Variants in MAST3 observed in about 807,000 individuals in gnomAD.
MAST3 encodes microtubule-associated serine/threonine-protein kinase 3.
Under a neutral mutation model 127.0 loss-of-function variants are expected in MAST3, and 43 were observed. That is an observed-to-expected ratio of 0.34 (90% confidence interval 0.27 to 0.44). The LOEUF (loss-of-function observed/expected upper bound fraction) is 0.44, where lower values mean the gene tolerates loss of function less well. Ranked by LOEUF, MAST3 falls within the 20% of genes least tolerant of loss-of-function variation. MAST3 has a pLI of 1.00. For synonymous variants in MAST3, 785 were observed against 809.2 expected, an observed-to-expected ratio of 0.97 and a Z score of 0.51; for missense variants, 1,390 against 1,919.1, an observed-to-expected ratio of 0.72 and a Z score of 5.15.
Position 18,107,592 on chromosome 19 carries a change from G to A in MAST3, c.45G>A (p.Glu15=), listed in dbSNP as rs779571449. 8.1e-6 allele frequency: 13 copies of A among 1,613,406 alleles called. No homozygotes were observed. Among genetic ancestry groups the A allele is most frequent in the Non-Finnish European group, 1.1e-5 (13 of 1,179,644 alleles). The change falls in exon 2 of 28, where the codon GAG becomes GAA. Residue 15 remains glutamate, a synonymous_variant. Coordinates refer to ENST00000687212, the MANE Select transcript of MAST3 (RefSeq NM_001393504.1). ...CCATTTCTGTCTCATTGCAGAAGGAGCTGAGCCTGCCACGCCGAGGACGTG... is the reference window on the plus strand; with the variant it reads ...CCATTTCTGTCTCATTGCAGAAGGAACTGAGCCTGCCACGCCGAGGACGTG... ...SLLRRRGLQK[E]LSLPRRGRGL...
In MAST3 at chr19:18,125,212, A is replaced by T. The variant is rs368878839; in HGVS notation, c.1078+438A>T. On this transcript the variant is annotated intron_variant, in intron 11 of 27. Coordinates refer to ENST00000687212, the MANE Select transcript of MAST3 (RefSeq NM_001393504.1). The stretch of plus-strand genomic sequence containing the variant: ...TTTGTCTCTCTGTGGCCTTGCTCTT[A>T]GGTCACCTGTGGGAATTATGCTGAG... 8.5e-5 allele frequency among the ~76,000 whole-genome samples: 13 copies of T among 152,168 alleles called. No individual in the cohort carries two copies. The East Asian group carries it at 2.1e-3, about 25-fold the overall frequency.
At chr19:18,134,541 G>T (rs745336788) in intron 15 of MAST3, 38 bp from the exon 16 acceptor site, 1 of 1,574,406 alleles carries the variant, frequency 6.4e-7, no homozygotes, top group South Asian at 1.2e-5. Flanking sequence ...AGGCACCCCA[G>T]CCCCCCAGCT....
Position 18,110,794 on chromosome 19 carries a change from G to A in MAST3, c.161+53G>A, listed in dbSNP as rs2038518696. ...GCAGACATCGCCCTGGCACCCCAGA[G>A]CCTTGGAAACCCTCCAGACTCATCG... On this transcript the variant is annotated intron_variant, in intron 3 of 27. Transcript: ENST00000687212. This position sits in a 1 kb window ranked among gnomAD's most constrained non-coding sequence, Gnocchi z 4.3. 1.1e-6 allele frequency: 1 copy of A among 901,292 alleles called. No homozygotes were observed. 55.8% of individuals were successfully genotyped at this position (901,292 alleles called of 1,614,324 possible).
At chr19:18,138,208 GA>G (rs72398038) in intron 19 of MAST3, among the ~76,000 whole-genome samples, 14,964 of 140,592 alleles carry the variant, frequency 0.11, 775 homozygotes, top group Non-Finnish European at 0.14. Context: ...AAAACTGCCT[GA>G]AAAAAAAAAA....
At chr19:18,141,584 G>T in intron 20 of MAST3, among the ~76,000 whole-genome samples, 1 of 151,890 alleles carries the variant, frequency 6.6e-6, no homozygotes, top group Non-Finnish European at 1.5e-5. Flanking sequence ...TGTTGACCAG[G>T]CTGGTCTTGA....
intron 1 of MAST3, chr19:18,098,856 T>C (rs981691312): frequency 2.2e-6 from 1 of 454,676 alleles, no homozygotes; most frequent in African/African-American, 2.0e-5. Context: ...CCCAACCTGT[T>C]GGGGGAGGTA....
At chr19:18,143,048 G>T (rs1414985698) in intron 21 of MAST3, among the ~76,000 whole-genome samples, 2 of 149,810 alleles carry the variant, frequency 1.3e-5, no homozygotes, top group Non-Finnish European at 3.0e-5. Flanking sequence ...GGAGGCGGAG[G>T]TTACAGTGAG....
chr19:18,128,595 G>A (rs1190789792), intron 12 of MAST3, 137 bp downstream of exon 12: 22 of 946,720 alleles, frequency 2.3e-5, no homozygotes, highest in South Asian at 1.1e-4. Context: ...GCAAGGTGAC[G>A]GCACGTGGGA....
At chr19:18,106,096 A>AT (rs1568546428) in intron 1 of MAST3, among the ~76,000 whole-genome samples, 1 of 151,728 alleles carries the variant, frequency 6.6e-6, no homozygotes, top group Non-Finnish European at 1.5e-5. Context: ...ATTATTATTA[A>AT]TTTTTTTTAG....
At chr19:18,104,467 T>C (rs551737901) in intron 1 of MAST3, among the ~76,000 whole-genome samples, 47 of 152,078 alleles carry the variant, frequency 3.1e-4, no homozygotes, top group Non-Finnish European at 6.2e-4. Context: ...CTTCCCCGCC[T>C]CTCCCGGGAG....
intron 25 of MAST3, among the ~76,000 whole-genome samples, chr19:18,146,372 G>A (rs772646277): frequency 1.1e-4 from 16 of 152,204 alleles, no homozygotes; most frequent in Non-Finnish European, 2.2e-4. Flanking sequence ...TTGGGCCGAG[G>A]AGGTTGAGGC....
chr19:18,132,134 C>A, intron 15 of MAST3, 87 bp downstream of exon 15: 1 of 1,547,462 alleles, frequency 6.5e-7, no homozygotes, highest in South Asian at 1.2e-5. Flanking sequence ...AGGGCAGAGC[C>A]TCTGAGGTGC....
intron 15 of MAST3, among the ~76,000 whole-genome samples, chr19:18,132,941 A>G (rs539235714): frequency 7.4e-4 from 112 of 152,332 alleles, no homozygotes; most frequent in Admixed American, 2.2e-3. Context: ...TGTCTCTACT[A>G]AAAATACAAA....
chr19:18,149,645 G>A lies in MAST3; in HGVS notation c.3963G>A (p.Gly1321=), dbSNP rs770467189. 1.2e-6 allele frequency: 2 copies of A among 1,613,278 alleles called. No individual in the cohort carries two copies. Among genetic ancestry groups the A allele is most frequent in the Non-Finnish European group, 1.7e-6 (2 of 1,179,896 alleles). Residue 1321 remains glycine, a synonymous_variant, in exon 28 of 28, where the codon GGG becomes GGA. Transcript: ENST00000687212. The surrounding 1 kb of genome is among the most constrained non-coding windows in gnomAD (Gnocchi z 5.9). The stretch of plus-strand genomic sequence containing the variant: ...ATGAGCCGCAGGAGGAGGCCACTGG[G>A]CTGCCCACCTCAGTGCCACAGATCG... ...SFDEPQEEAT[G]LPTSVPQIAV...
At position 18,144,881 on chromosome 19, in the gene MAST3, T is replaced by G; in HGVS notation, c.2813-122T>G. On this transcript the variant is annotated intron_variant, in intron 23 of 27. Transcript: ENST00000687212. The surrounding 1 kb of genome is among the most constrained non-coding windows in gnomAD (Gnocchi z 4.0). ...CTGCACGTGCAAAGGCCTGGTGGGGTGACCATGCTTGGGACATTGAAGCAA... is the reference window on the plus strand; with the variant it reads ...CTGCACGTGCAAAGGCCTGGTGGGGGGACCATGCTTGGGACATTGAAGCAA... 1 of 847,428 alleles carries G rather than the reference T, an allele frequency of 1.2e-6. No homozygotes were observed. 52.5% of individuals were successfully genotyped at this position (847,428 alleles called of 1,614,324 possible). A position where few individuals can be genotyped will look rare whatever the true frequency, so the allele number is the denominator to read the frequency against.
chr19:18,140,391 T>C (rs1304573904), intron 20 of MAST3, among the ~76,000 whole-genome samples: 2 of 151,952 alleles, frequency 1.3e-5, no homozygotes, highest in Non-Finnish European at 2.9e-5. Flanking sequence ...AAAATAATGA[T>C]AATAATAAAG....
intron 21 of MAST3, among the ~76,000 whole-genome samples, chr19:18,142,696 C>G (rs565066847): frequency 6.6e-6 from 1 of 151,288 alleles, no homozygotes; most frequent in Non-Finnish European, 1.5e-5. Context: ...CTCTGTCTCC[C>G]AGACTGGAGT....
intron 20 of MAST3, among the ~76,000 whole-genome samples, chr19:18,141,004 G>C (rs2042412358): frequency 6.6e-6 from 1 of 151,910 alleles, no homozygotes; most frequent in Non-Finnish European, 1.5e-5. Flanking sequence ...ATGTTGCCCA[G>C]GCTGGTCTCA....
intron 18 of MAST3, among the ~76,000 whole-genome samples, chr19:18,136,180 C>T (rs1029620712): frequency 3.3e-5 from 5 of 152,148 alleles, no homozygotes; most frequent in African/African-American, 7.2e-5. Flanking sequence ...ATTAAGGGAC[C>T]GTTTGAGACT....
Sources: allele counts gnomAD v4.1 joint callset (sites outside exome capture counted in the v4.1 genomes callset), GRCh38; gene constraint gnomAD v4.1.1; non-coding constraint Gnocchi (gnomAD v3.1); transcripts MANE v1.5; gene names NCBI Gene and HGNC (gene_info 2026-07-23, HGNC 2026-07-21).